The following DMD variants were observed in gnomAD, a reference collection of about 807,000 sequenced individuals.
DMD encodes the protein mutant dystrophin.
A neutral mutation model predicts 330.1 loss-of-function variants in DMD; 63 were observed. The observed-to-expected ratio is 0.19, with a 90% CI of 0.16 to 0.24. The LOEUF (loss-of-function observed/expected upper bound fraction) is 0.24, where lower values mean the gene tolerates loss of function less well. Ranked by LOEUF, DMD falls within the 10% of genes least tolerant of loss-of-function variation. The pLI is 1.00. For synonymous variants in DMD, 1,223 were observed against 959.8 expected (o/e 1.27, Z -5.07); for missense variants, 3,344 against 2,684.1 (o/e 1.25, Z -5.43).
intron 7 of DMD, among the ~76,000 whole-genome samples, chrX:32,799,339 C>A (rs2076382714): frequency 9.0e-6 from 1 of 111,269 alleles, no homozygotes; most frequent in African/African-American, 3.3e-5. Flanking sequence ...GTCCTAGTGT[C>A]CTTCCTTTTT....
At position 32,722,185 on chromosome X, in the gene DMD, C is replaced by T. The variant is rs750100759; in HGVS notation, c.650-22892G>A. On this transcript the variant is annotated intron_variant, in intron 7 of 78. Coordinates refer to ENST00000357033, the MANE Select transcript of DMD (RefSeq NM_004006.3). ...CTTTTATTTCTGTGAAAAAAAATGC[C>T]ATTTAGATTTTCACAGGGATTACAT... Among the ~76,000 whole-genome samples the T allele has an allele frequency of 4.2e-4, 46 of 109,934 alleles. 1 individual carries two copies. The South Asian group carries it at 0.01, about 25-fold the overall frequency.
chrX:32,749,765 G>T (rs566743919), intron 7 of DMD, among the ~76,000 whole-genome samples: 1 of 111,981 alleles, frequency 8.9e-6, no homozygotes, highest in Admixed American at 9.5e-5. Flanking sequence ...GCAGAACTAC[G>T]TAAAATTATC....
intron 8 of DMD, among the ~76,000 whole-genome samples, chrX:32,698,284 C>T (rs1224770713): frequency 9.0e-6 from 1 of 111,234 alleles, no homozygotes; most frequent in Non-Finnish European, 1.9e-5. Context: ...TGGGATGGTA[C>T]TCTTCAATCC....
At chrX:32,793,904 A>G (rs1984963309) in intron 7 of DMD, among the ~76,000 whole-genome samples, 1 of 111,560 alleles carries the variant, frequency 9.0e-6, no homozygotes, top group Non-Finnish European at 1.9e-5. Flanking sequence ...TGAAGCCAGC[A>G]TTACCCTGAT....
At chrX:32,399,807 CA>C (rs1282103910) in intron 30 of DMD, among the ~76,000 whole-genome samples, 2 of 111,770 alleles carry the variant, frequency 1.8e-5, no homozygotes, top group Non-Finnish European at 3.8e-5. Context: ...GCACTGTTCA[CA>C]AAAGTCAAGA....
intron 13 of DMD, among the ~76,000 whole-genome samples, chrX:32,594,634 C>A (rs751033002): frequency 9.0e-6 from 1 of 111,211 alleles, no homozygotes; most frequent in Admixed American, 9.6e-5. Context: ...TTATAATATA[C>A]CCAGGGTATT....
intron 26 of DMD, among the ~76,000 whole-genome samples, chrX:32,454,096 T>G (rs942427619): frequency 1.8e-5 from 2 of 110,805 alleles, no homozygotes; most frequent in Non-Finnish European, 3.8e-5. Flanking sequence ...AGTCCAGGCT[T>G]CACCTCCAAA....
intron 20 of DMD, among the ~76,000 whole-genome samples, chrX:32,489,577 C>G (rs1471982173): frequency 1.8e-5 from 2 of 111,440 alleles, no homozygotes; most frequent in Non-Finnish European, 3.8e-5. Flanking sequence ...TCTCTCACTT[C>G]TAGAACTCTC....
At chrX:31,964,281 G>A (rs2095332810) in intron 45 of DMD, among the ~76,000 whole-genome samples, 1 of 110,601 alleles carries the variant, frequency 9.0e-6, no homozygotes, top group Non-Finnish European at 1.9e-5. Flanking sequence ...TTTCAATATC[G>A]GTGAAAAAAA....
chrX:32,700,712 G>C (rs1160887412), intron 7 of DMD, among the ~76,000 whole-genome samples: 1 of 111,267 alleles, frequency 9.0e-6, no homozygotes, highest in Non-Finnish European at 1.9e-5. Context: ...AAAAATCAAA[G>C]ATAAAAGATA....
intron 55 of DMD, among the ~76,000 whole-genome samples, chrX:31,517,228 T>C (rs904163659): frequency 1.8e-5 from 2 of 111,822 alleles, no homozygotes; most frequent in African/African-American, 3.3e-5. Flanking sequence ...TTAGATGAGA[T>C]GATGTGAGTA....
intron 4 of DMD, among the ~76,000 whole-genome samples, chrX:32,829,009 G>A (rs932893640): frequency 9.0e-6 from 1 of 111,171 alleles, no homozygotes; most frequent in African/African-American, 3.3e-5. Flanking sequence ...TGGTAAATAA[G>A]AGATAACATT....
At chrX:31,926,851 A>C (rs1259948198) in intron 47 of DMD, among the ~76,000 whole-genome samples, 1 of 111,147 alleles carries the variant, frequency 9.0e-6, no homozygotes, top group Non-Finnish European at 1.9e-5. Context: ...TATTCATGTC[A>C]CAGTAACTAT....
intron 17 of DMD, among the ~76,000 whole-genome samples, chrX:32,540,309 G>C (rs190479551): frequency 9.0e-6 from 1 of 111,396 alleles, no homozygotes. Flanking sequence ...GCAAATCTCA[G>C]TGTAAAGAGA....
rs6631525 is a variant in DMD at position 32,252,639 on chromosome X, A to G, written c.6290+34890T>C. 1.0e-3 allele frequency among the ~76,000 whole-genome samples: 71 copies of G among 70,951 alleles called. 5 individuals carry two copies. Among genetic ancestry groups the G allele is most frequent in the African/African-American group, 4.5e-3 (65 of 14,312 alleles). The allele number at this position is 70,951 out of a possible 115,157, so 61.6% of individuals were successfully genotyped here. ...AAATATATAAATATGTGTATATATA[A>G]ATATATATAAATACAAATATATAAA... On this transcript the variant is annotated intron_variant, in intron 43 of 78. Transcript: ENST00000357033.
intron 72 of DMD, 78 bp from the exon 73 acceptor site, chrX:31,172,491 A>C: frequency 1.4e-6 from 1 of 737,740 alleles, no homozygotes; most frequent in Non-Finnish European, 2.1e-6. Context: ...AACATTCCTG[A>C]AAACTAAAGG....
At position 32,243,526 on chromosome X, in the gene DMD, T is replaced by C. The variant is rs942599564; in HGVS notation, c.6291-26463A>G. 6.2e-5 allele frequency among the ~76,000 whole-genome samples: 7 copies of C among 112,189 alleles called. No homozygotes were observed. In the Admixed American group the frequency reaches 6.6e-4, roughly 11 times the overall value. ...CAGTATGTTTAATTTTAAGCTATCA[T>C]TATAATGTCACCAAACATGAAGTTA... On this transcript the variant is annotated intron_variant, in intron 43 of 78. Coordinates refer to ENST00000357033, the MANE Select transcript of DMD (RefSeq NM_004006.3).
intron 55 of DMD, among the ~76,000 whole-genome samples, chrX:31,605,945 G>T (rs2077588460): frequency 9.0e-6 from 1 of 111,280 alleles, no homozygotes; most frequent in African/African-American, 3.3e-5. Context: ...AGAGTTTTTG[G>T]TATGGCTTGG....
At chrX:31,447,491 T>C (rs1396370730) in intron 59 of DMD, among the ~76,000 whole-genome samples, 1 of 110,553 alleles carries the variant, frequency 9.0e-6, no homozygotes, top group Non-Finnish European at 1.9e-5. Flanking sequence ...GTTGTGTGTA[T>C]GTTCTCAAAC....
Sources: allele counts gnomAD v4.1 joint callset (sites outside exome capture counted in the v4.1 genomes callset), GRCh38; gene constraint gnomAD v4.1.1; transcripts MANE v1.5; gene names NCBI Gene and HGNC (gene_info 2026-07-23, HGNC 2026-07-21).